The following STON1 variants were observed in gnomAD, a reference collection of about 807,000 sequenced individuals.
STON1 encodes the protein stonin-1.
In STON1, 79 loss-of-function variants were observed where a neutral mutation model predicts 60.9. The observed-to-expected ratio is 1.30, with a 90% CI of 1.08 to 1.56. The LOEUF is 1.56. Ranked by LOEUF, STON1 falls within the 40% of genes most tolerant of loss-of-function variation. The pLI is 0.00. For synonymous variants in STON1, 363 were observed against 306.9 expected (o/e 1.18, Z -1.91); for missense variants, 1,166 against 858.9 (o/e 1.36, Z -4.47).
chr2:48,584,264 C>A (rs1674070627), intron 2 of STON1, among the ~76,000 whole-genome samples: 1 of 151,890 alleles, frequency 6.6e-6, no homozygotes, highest in Non-Finnish European at 1.5e-5. Context: ...TTTCTCAAAC[C>A]TGGCTATATT....
At chr2:48,587,319 G>A (rs890770507) in intron 2 of STON1, among the ~76,000 whole-genome samples, 2 of 152,054 alleles carry the variant, frequency 1.3e-5, no homozygotes, top group Non-Finnish European at 1.5e-5. Context: ...ATGAGACGGA[G>A]TCTCGCTCTG....
chr2:48,591,736 A>G lies in STON1; in HGVS notation c.2014A>G (p.Thr672Ala). Residue 672 changes from threonine to alanine, a missense_variant, in exon 3 of 4, where the codon ACT (threonine) becomes GCT (alanine). Coordinates refer to ENST00000404752, the MANE Select transcript of STON1 (RefSeq NM_006873.4). Reference sequence around the variant, plus strand: ...TCCCTCTGATTGGTATCCATTTGCTACTGTTCAGTTTTCCGTGCCTGACAC... The same window carrying G: ...TCCCTCTGATTGGTATCCATTTGCTGCTGTTCAGTTTTCCGTGCCTGACAC... ...EIPSDWYPFATVQFSVPDTCA... is the reference protein window; with the variant it reads ...EIPSDWYPFAAVQFSVPDTCA... 1 of 1,614,160 alleles carries G rather than the reference A, an allele frequency of 6.2e-7. No homozygotes were observed. The highest frequency in any genetic ancestry group is 8.5e-7 in the Non-Finnish European group (1 of 1,180,028).
rs565712114 is a variant in STON1, at chr2:48,581,783, C to A, written c.1150C>A (p.His384Asn). ...QMLKLGSTSYHDFLDFLTTVE... is the reference protein window; with the variant it reads ...QMLKLGSTSYNDFLDFLTTVE... ...GCTGAAGTTGGGGTCCACATCGTAC[C>A]ATGACTTCCTTGACTTTCTGACTAC... The change falls in exon 2 of 4, where the codon CAT (histidine) becomes AAT (asparagine). Residue 384 changes from histidine (H) to asparagine (N), a missense_variant. Transcript: ENST00000404752. The A allele has an allele frequency of 4.3e-4, 690 of 1,614,142 alleles. 5 individuals are homozygous for A. The South Asian group carries it at 6.6e-3, about 16-fold the overall frequency.
chr2:48,574,506 A>G (rs1043100323), intron 1 of STON1, among the ~76,000 whole-genome samples: 2 of 152,248 alleles, frequency 1.3e-5, no homozygotes, highest in Non-Finnish European at 2.9e-5. Flanking sequence ...AATTCATGGT[A>G]TAAGAATTAT....
At chr2:48,541,517 C>A (rs1472534863) in intron 1 of STON1, among the ~76,000 whole-genome samples, 2 of 135,592 alleles carry the variant, frequency 1.5e-5, no homozygotes, top group African/African-American at 5.6e-5. Flanking sequence ...AACCCCATCT[C>A]TACTAAAAAA....
rs74179092 is a variant in STON1, at chr2:48,564,656, T to C, written c.-47-15931T>C. On this transcript the variant is annotated intron_variant, in intron 1 of 3. Transcript: ENST00000404752. ...TCTTTCTCCTTCTCCTTCTTCTTCT[T>C]CTTTCTTATTTCTTCTTCTTCTTCT... 1.6e-4 allele frequency among the ~76,000 whole-genome samples: 11 copies of C among 67,276 alleles called. 3 individuals carry two copies. Among genetic ancestry groups the C allele is most frequent in the East Asian group, 1.6e-3 (3 of 1,878 alleles). 44.1% of individuals were successfully genotyped at this position (67,276 alleles called of 152,430 possible).
intron 1 of STON1, among the ~76,000 whole-genome samples, chr2:48,563,569 C>T (rs1274988777): frequency 6.6e-6 from 1 of 152,176 alleles, no homozygotes; most frequent in Non-Finnish European, 1.5e-5. Context: ...ATACAAAAGG[C>T]CGAGGTGTCC....
chr2:48,531,663 G>A (rs1166981236), intron 1 of STON1: 4 of 152,200 alleles, frequency 2.6e-5, no homozygotes, highest in African/African-American at 7.2e-5. Context: ...AGCAGCCTGA[G>A]CTGGGGTTTT....
At chr2:48,561,837 C>T (rs1406377046) in intron 1 of STON1, among the ~76,000 whole-genome samples, 4 of 152,140 alleles carry the variant, frequency 2.6e-5, no homozygotes, top group Non-Finnish European at 5.9e-5. Context: ...TCGTCAGCCA[C>T]ATGTATGAAG....
intron 1 of STON1, among the ~76,000 whole-genome samples, chr2:48,574,156 A>G (rs1157876658): frequency 1.3e-5 from 2 of 152,124 alleles, no homozygotes; most frequent in East Asian, 3.9e-4. Flanking sequence ...CAGGTGGATC[A>G]CTTGAGATCA....
Position 48,582,441 on chromosome 2 carries a change from T to C in STON1, c.1808T>C (p.Leu603Pro). 1 of 1,614,216 alleles carries C rather than the reference T, an allele frequency of 6.2e-7. No homozygotes were observed. The highest frequency in any genetic ancestry group is 1.3e-5 in the African/African-American group (1 of 75,064). ...GCTAAAATGAACCGCCGAGCATGTC[T>C]GGGGAGTTTACAGGAACTTGAATCT... is the stretch of plus-strand genomic sequence containing the variant. ...LKAKMNRRAC[L>P]GSLQELESEP... is the part of the protein sequence containing the mutation. The change falls in exon 2 of 4, where the codon CTG (leucine) becomes CCG (proline). Residue 603 changes from leucine to proline, a missense_variant. Coordinates refer to ENST00000404752, the MANE Select transcript of STON1 (RefSeq NM_006873.4).
chr2:48,582,255 T>A lies in STON1; in HGVS notation c.1622T>A (p.Val541Glu). The stretch of plus-strand genomic sequence containing the variant: ...GTAGTGGTTGTCCAGGGAGCATACG[T>A]GGAACTTCAGGCTTTTGTCAACATG... ...KSVVVVQGAY[V>E]ELQAFVNMAS... The change falls in exon 2 of 4, where the codon GTG (valine) becomes GAG (glutamate). Residue 541 changes from valine (V) to glutamate (E), a missense_variant. Physicochemically the swap from Val to Glu is moderately radical, Grantham distance 121 (BLOSUM62 -2). Transcript: ENST00000404752. 6.2e-7 allele frequency: 1 copy of A among 1,614,214 alleles called. No homozygotes were observed. Among genetic ancestry groups the A allele is most frequent in the Non-Finnish European group, 8.5e-7 (1 of 1,180,032 alleles).
In STON1 at chr2:48,598,476, T is replaced by C. The variant is rs903841604; in HGVS notation, c.*3174T>C. ...GTAACAAAATATTTTGTAGATTACA[T>C]ATTGATTTTTCAAAAATTAAAAATG... is the stretch of plus-strand genomic sequence containing the variant. On this transcript the variant is annotated 3_prime_UTR_variant, in exon 4 of 4. Transcript: ENST00000404752. 2 of 152,666 alleles carry C rather than the reference T, an allele frequency of 1.3e-5. No individual in the cohort carries two copies. Among genetic ancestry groups the C allele is most frequent in the Admixed American group, 6.5e-5 (1 of 15,282 alleles). The allele number at this position is 152,666 out of a possible 1,614,324, so 9.5% of individuals were successfully genotyped here. A position where few individuals can be genotyped will look rare whatever the true frequency, so the allele number is the denominator to read the frequency against.
In STON1 at chr2:48,554,707, A is replaced by ATT. The variant is rs11475306; in HGVS notation, c.-48+24508_-48+24509dup. Among the ~76,000 whole-genome samples, 520 of 88,694 alleles carry ATT rather than the reference A, an allele frequency of 5.9e-3. 27 individuals carry two copies. Among genetic ancestry groups the ATT allele is most frequent in the Non-Finnish European group, 7.8e-3 (344 of 44,008 alleles). 58.2% of individuals were successfully genotyped at this position (88,694 alleles called of 152,430 possible). On this transcript the variant is annotated intron_variant, in intron 1 of 3. Transcript: ENST00000404752. ...TTTCTACTCAAACTTTAAGTGCAAA[A>ATT]TTTTTTTTTTTTTTTTTTATTTATT...
At chr2:48,564,325 G>C (rs973193164) in intron 1 of STON1, among the ~76,000 whole-genome samples, 2 of 150,818 alleles carry the variant, frequency 1.3e-5, no homozygotes, top group Non-Finnish European at 2.9e-5. Flanking sequence ...TTCTGGTGAG[G>C]GTTGCAGATG....
intron 1 of STON1, among the ~76,000 whole-genome samples, chr2:48,560,174 C>G (rs1175274751): frequency 6.6e-6 from 1 of 152,128 alleles, no homozygotes; most frequent in Non-Finnish European, 1.5e-5. Context: ...TTTTATAGTT[C>G]TTTAAACTTC....
intron 2 of STON1, among the ~76,000 whole-genome samples, chr2:48,589,552 A>G (rs2103950380): frequency 6.6e-6 from 1 of 152,346 alleles, no homozygotes; most frequent in South Asian, 2.1e-4. Context: ...AGCATTTAGC[A>G]TTTTCAAAAG....
At chr2:48,564,997 T>A (rs1297838165) in intron 1 of STON1, among the ~76,000 whole-genome samples, 17 of 147,642 alleles carry the variant, frequency 1.2e-4, no homozygotes, top group African/African-American at 3.7e-4. Context: ...CCTTCCAAAG[T>A]GCTGGGATTA....
chr2:48,541,613 C>T (rs1234628971), intron 1 of STON1, among the ~76,000 whole-genome samples: 1 of 140,012 alleles, frequency 7.1e-6, no homozygotes, highest in South Asian at 2.4e-4. Context: ...GCAGGAGAAT[C>T]ACTTGAACCT....
Sources: gnomAD v4.1 joint callset for allele counts (sites outside exome capture counted in the v4.1 genomes callset) on GRCh38, gnomAD v4.1.1 for gene constraint, MANE v1.5 for transcripts, NCBI Gene and HGNC (gene_info 2026-07-23, HGNC 2026-07-21) for gene names.